The following ABCA1 variants were observed in gnomAD, a reference collection of about 807,000 sequenced individuals.
ABCA1 encodes phospholipid-transporting ATPase ABCA1.
In ABCA1, 133 loss-of-function variants were observed where a neutral mutation model predicts 262.5. That is an observed-to-expected ratio of 0.51 (90% CI 0.44 to 0.59). The LOEUF (loss-of-function observed/expected upper bound fraction) is 0.59. Among genes scored for constraint, ABCA1 ranks in the 20% least tolerant of loss-of-function variants. The pLI, the probability that ABCA1 is intolerant of heterozygous loss-of-function variation, is 0.00. For missense variants in ABCA1, 2,452 were observed against 2,777.5 expected (o/e 0.88, Z 2.63); for synonymous variants, 1,022 against 1,043.5 (o/e 0.98, Z 0.40).
In ABCA1 at chr9:104,889,142, G is replaced by T. The variant is rs1839478004; in HGVS notation, c.120C>A (p.Ile40=). The T allele has an allele frequency of 1.2e-6, 2 of 1,614,188 alleles. No individual in the cohort carries two copies. Among genetic ancestry groups the T allele is most frequent in the Non-Finnish European group, 1.7e-6 (2 of 1,180,024 alleles). Residue 40 remains isoleucine (I), a synonymous_variant, in exon 3 of 50, where the codon ATC becomes ATA. Coordinates refer to ENST00000374736, the MANE Select transcript of ABCA1 (RefSeq NM_005502.4). ...AGGGTGGGTAGCTCAGCCGAACAGA[G>T]ATCAGGATCAGGAAGATAAATAGAG... is the stretch of plus-strand genomic sequence containing the variant. The part of the protein sequence containing the change: ...AWPLFIFLIL[I]SVRLSYPPYE...
chr9:104,816,535 C>T (rs1402694476), intron 24 of ABCA1, among the ~76,000 whole-genome samples, 190 bp from the exon 25 acceptor site: 1 of 151,738 alleles, frequency 6.6e-6, no homozygotes, highest in Non-Finnish European at 1.5e-5. Context: ...ATGTCTTATT[C>T]ACCTTTGTAT....
At chr9:104,848,432 C>T (rs915371782) in intron 7 of ABCA1, among the ~76,000 whole-genome samples, 1 of 151,868 alleles carries the variant, frequency 6.6e-6, no homozygotes, top group South Asian at 2.1e-4. Context: ...CTGGCCAACA[C>T]GGCGAAACCC....
chr9:104,799,735 T>A, intron 36 of ABCA1, 84 bp downstream of exon 36: 1 of 1,612,958 alleles, frequency 6.2e-7, no homozygotes, highest in South Asian at 1.1e-5. Context: ...GCTGTTCCCC[T>A]ACAATGAGAT....
chr9:104,882,361 G>A (rs1838758738), intron 5 of ABCA1, among the ~76,000 whole-genome samples: 1 of 152,180 alleles, frequency 6.6e-6, no homozygotes. Context: ...ATTACTGGCT[G>A]CACTCAGCCA....
chr9:104,926,782 T>G lies in ABCA1; in HGVS notation c.-93+1153A>C, dbSNP rs374653220. 3.7e-3 allele frequency among the ~76,000 whole-genome samples: 564 copies of G among 152,318 alleles called. 4 individuals are homozygous for G. The highest frequency in any genetic ancestry group is 0.013 in the African/African-American group (538 of 41,572). ...ACCACCTCGGCCCAGCTTCCCCATC[T>G]GCGCCCAGGCAGAAGCTGCCCCGAG... On this transcript the variant is annotated intron_variant, in intron 1 of 49. Transcript: ENST00000374736.
At chr9:104,864,181 A>G (rs1295463136) in intron 5 of ABCA1, among the ~76,000 whole-genome samples, 1 of 152,186 alleles carries the variant, frequency 6.6e-6, no homozygotes, top group Non-Finnish European at 1.5e-5. Context: ...GCTGAATACT[A>G]AACACTAGGA....
chr9:104,821,169 G>C (rs1832303722), intron 20 of ABCA1, among the ~76,000 whole-genome samples: 1 of 152,098 alleles, frequency 6.6e-6, no homozygotes, highest in Non-Finnish European at 1.5e-5. Context: ...CTTGAACCTG[G>C]GAGGCCAAGG....
chr9:104,840,448 G>A lies in ABCA1; in HGVS notation c.885C>T (p.Ser295=). Reference sequence around the variant, plus strand: ...CAGCCTGGTAGATTTGGGTGGAGGAGCTGGAGCTGTTCACATTGGTCAGAA... The same window carrying A: ...CAGCCTGGTAGATTTGGGTGGAGGAACTGGAGCTGTTCACATTGGTCAGAA... ...VMFLTNVNSS[S]SSTQIYQAVS... is the part of the protein sequence containing the mutation. Residue 295 remains serine (S), a synonymous_variant, in exon 9 of 50, where the codon AGC becomes AGT. Transcript: ENST00000374736. 6.2e-7 allele frequency: 1 copy of A among 1,614,204 alleles called. No individual in the cohort carries two copies. Among genetic ancestry groups the A allele is most frequent in the Non-Finnish European group, 8.5e-7 (1 of 1,180,046 alleles).
rs557626075 is a variant in ABCA1, at chr9:104,882,028, TAAAA to T, written c.421+1007_421+1010del. ...CAAGGAAAGCACAGTTCTGTAGCCT[TAAAA>T]AAAAAAAAAAAAAAAAAAAAAAAAA... On this transcript the variant is annotated intron_variant, in intron 5 of 49. Coordinates refer to ENST00000374736, the MANE Select transcript of ABCA1 (RefSeq NM_005502.4). Among the ~76,000 whole-genome samples, 654 of 73,708 alleles carry T rather than the reference TAAAA, an allele frequency of 8.9e-3. 20 individuals are homozygous for T. Among genetic ancestry groups the T allele is most frequent in the Admixed American group, 0.045 (249 of 5,490 alleles). 48.4% of individuals were successfully genotyped at this position (73,708 alleles called of 152,430 possible).
At chr9:104,848,209 G>T (rs1383323672) in intron 7 of ABCA1, among the ~76,000 whole-genome samples, 1 of 152,206 alleles carries the variant, frequency 6.6e-6, no homozygotes, top group African/African-American at 2.4e-5. Context: ...AATGCTACCA[G>T]CTGCACTTGA....
chr9:104,801,470 T>C (rs1232292647), intron 34 of ABCA1, among the ~76,000 whole-genome samples: 1 of 151,472 alleles, frequency 6.6e-6, no homozygotes, highest in Non-Finnish European at 1.5e-5. Flanking sequence ...TTTGCCCGCC[T>C]CGGCATCCCA....
intron 1 of ABCA1, among the ~76,000 whole-genome samples, chr9:104,927,187 G>T (rs1462881681): frequency 6.6e-6 from 1 of 150,788 alleles, no homozygotes; most frequent in Non-Finnish European, 1.5e-5. Flanking sequence ...TCCAGCCTGG[G>T]CGACAGACCG....
intron 2 of ABCA1, among the ~76,000 whole-genome samples, chr9:104,891,425 G>T (rs1353351560): frequency 4.0e-5 from 6 of 151,464 alleles, no homozygotes; most frequent in Non-Finnish European, 5.9e-5. Context: ...GTGAAACGCT[G>T]TGTCTACTAA....
chr9:104,922,442 G>A (rs1489984313), intron 1 of ABCA1, among the ~76,000 whole-genome samples: 1 of 152,138 alleles, frequency 6.6e-6, no homozygotes, highest in African/African-American at 2.4e-5. Context: ...TCTGGGATGC[G>A]ACTTCAGCTC....
At chr9:104,798,376 G>A in intron 37 of ABCA1, 45 bp downstream of exon 37, 5 of 1,595,928 alleles carry the variant, frequency 3.1e-6, no homozygotes, top group Non-Finnish European at 4.3e-6. Flanking sequence ...ATCAATCCAT[G>A]GCCCTGACAG....
intron 9 of ABCA1, among the ~76,000 whole-genome samples, chr9:104,839,842 C>A (rs1834205844): frequency 6.6e-6 from 1 of 152,194 alleles, no homozygotes; most frequent in Non-Finnish European, 1.5e-5. Context: ...TACAGTGTTA[C>A]TAACTATAGT....
chr9:104,814,539 A>C, intron 25 of ABCA1, 64 bp from the exon 26 acceptor site: 2 of 1,456,876 alleles, frequency 1.4e-6, no homozygotes, highest in East Asian at 4.5e-5. Flanking sequence ...CACCACTGCC[A>C]CGATTATTAT....
intron 1 of ABCA1, among the ~76,000 whole-genome samples, chr9:104,914,510 A>G (rs1331532045): frequency 6.6e-6 from 1 of 151,898 alleles, no homozygotes; most frequent in Non-Finnish European, 1.5e-5. Context: ...TAAAAAAAAA[A>G]AAAAAGAGAG....
Position 104,784,647 on chromosome 9 carries a change from CT to C in ABCA1, c.6646-193del, listed in dbSNP as rs533556693. Among the ~76,000 whole-genome samples the C allele has an allele frequency of 3.3e-4, 50 of 152,188 alleles. No homozygotes were observed. In the East Asian group the frequency reaches 3.5e-3, roughly 11 times the overall value. ...AAAGCAATAACAACTTAAAAATAGA[CT>C]TTTTTTCCCCCCTTGAAATGGGGTC... On this transcript the variant is annotated intron_variant, in intron 49 of 49. Transcript: ENST00000374736.
Sources: allele counts gnomAD v4.1 joint callset (sites outside exome capture counted in the v4.1 genomes callset), GRCh38; gene constraint gnomAD v4.1.1; transcripts MANE v1.5; gene names NCBI Gene and HGNC (gene_info 2026-07-23, HGNC 2026-07-21).